The following RGS7 variants were observed in gnomAD, a reference collection of about 807,000 sequenced individuals.
RGS7 encodes regulator of G protein signaling 7, also known as regulator of G-protein signaling 7.
Under a neutral mutation model 81.1 loss-of-function variants are expected in RGS7, and 27 were observed. The observed-to-expected ratio is 0.33, with a 90% CI of 0.25 to 0.46. The LOEUF (loss-of-function observed/expected upper bound fraction) is 0.46. Among genes scored for constraint, RGS7 ranks in the 20% least tolerant of loss-of-function variants. The probability of loss-of-function intolerance (pLI) is 1.00; values close to 1 mark genes in which losing one functional copy is unlikely to be tolerated. For missense variants in RGS7, 396 were observed against 607.4 expected, an observed-to-expected ratio of 0.65 and a Z score of 3.66; for synonymous variants, 208 against 207.7, an observed-to-expected ratio of 1.00 and a Z score of -0.01.
chr1:241,327,652 A>G (rs2081683814), intron 2 of RGS7, among the ~76,000 whole-genome samples: 1 of 152,228 alleles, frequency 6.6e-6, no homozygotes, highest in African/African-American at 2.4e-5. Flanking sequence ...TGCTACACTG[A>G]TAATAGTTTT....
At chr1:241,052,337 G>A (rs1456238955) in intron 3 of RGS7, among the ~76,000 whole-genome samples, 1 of 152,110 alleles carries the variant, frequency 6.6e-6, no homozygotes, top group African/African-American at 2.4e-5. Context: ...AGGAGGGGAG[G>A]ATTAAAACAT....
At chr1:240,923,800 T>A (rs1673980288) in intron 6 of RGS7, among the ~76,000 whole-genome samples, 1 of 152,096 alleles carries the variant, frequency 6.6e-6, no homozygotes, top group African/African-American at 2.4e-5. Context: ...ATAAATAATG[T>A]CTACTTTTAG....
chr1:241,107,192 G>A (rs769894048), intron 2 of RGS7, among the ~76,000 whole-genome samples: 31 of 152,142 alleles, frequency 2.0e-4, no homozygotes, highest in South Asian at 4.2e-4. Flanking sequence ...TTTTCTTCTC[G>A]GCCTAGAGTC....
chr1:240,840,805 C>T (rs148517183), intron 9 of RGS7, among the ~76,000 whole-genome samples: 281 of 152,282 alleles, frequency 1.8e-3, no homozygotes, highest in African/African-American at 6.5e-3. Flanking sequence ...TAGTATCTGT[C>T]ACTGGAGTCT....
At chr1:240,824,633 G>A (rs1032217145) in intron 10 of RGS7, among the ~76,000 whole-genome samples, 3 of 152,220 alleles carry the variant, frequency 2.0e-5, no homozygotes, top group Non-Finnish European at 2.9e-5. Flanking sequence ...CTGACAAAAT[G>A]CAGTGGCAAT....
At chr1:241,151,975 C>T (rs1282241601) in intron 2 of RGS7, among the ~76,000 whole-genome samples, 1 of 152,028 alleles carries the variant, frequency 6.6e-6, no homozygotes, top group East Asian at 1.9e-4. Flanking sequence ...GCAAACTATG[C>T]CCATGGTATA....
intron 2 of RGS7, among the ~76,000 whole-genome samples, chr1:241,306,689 T>C (rs1378992140): frequency 6.7e-6 from 1 of 150,350 alleles, no homozygotes; most frequent in African/African-American, 2.4e-5. Context: ...GCACACACTC[T>C]TACACACACA....
intron 2 of RGS7, among the ~76,000 whole-genome samples, chr1:241,270,345 C>T (rs1036644552): frequency 1.3e-5 from 2 of 152,114 alleles, no homozygotes; most frequent in Non-Finnish European, 1.5e-5. Flanking sequence ...AAAATTGGAC[C>T]CAAGAACCAA....
At chr1:241,172,736 T>C (rs60833632) in intron 2 of RGS7, among the ~76,000 whole-genome samples, 1,524 of 152,314 alleles carry the variant, frequency 0.01, 31 homozygotes, top group African/African-American at 0.035. Context: ...CATCTGTTTC[T>C]GTAAAGTAGA....
At chr1:240,838,769 TA>T (rs1450880676) in intron 9 of RGS7, among the ~76,000 whole-genome samples, 137 of 151,060 alleles carry the variant, frequency 9.1e-4, no homozygotes, top group African/African-American at 3.1e-3. Flanking sequence ...TATTTTTTAT[TA>T]TTTTTTTTTT....
chr1:241,100,242 G>A (rs2102893879), intron 2 of RGS7, among the ~76,000 whole-genome samples: 1 of 152,080 alleles, frequency 6.6e-6, no homozygotes, highest in South Asian at 2.1e-4. Context: ...GGGCGCGGTG[G>A]CAGGCGCCTG....
intron 2 of RGS7, among the ~76,000 whole-genome samples, chr1:241,145,301 T>TTA (rs1327840221): frequency 1.3e-5 from 2 of 152,084 alleles, no homozygotes; most frequent in Non-Finnish European, 2.9e-5. Flanking sequence ...CAGAAATGTT[T>TTA]TATATACCTA....
At chr1:241,205,397 T>C (rs530954088) in intron 2 of RGS7, among the ~76,000 whole-genome samples, 2 of 152,104 alleles carry the variant, frequency 1.3e-5, no homozygotes, top group East Asian at 3.9e-4. Flanking sequence ...TCATCATTTT[T>C]TAACATCTTT....
chr1:241,112,983 T>C (rs1220211593), intron 2 of RGS7, among the ~76,000 whole-genome samples: 1 of 152,222 alleles, frequency 6.6e-6, no homozygotes, highest in African/African-American at 2.4e-5. Context: ...AAGAAGGTTC[T>C]GCACAGGACC....
intron 2 of RGS7, among the ~76,000 whole-genome samples, chr1:241,322,711 T>C (rs964927942): frequency 1.3e-5 from 2 of 152,184 alleles, no homozygotes; most frequent in African/African-American, 4.8e-5. Flanking sequence ...TGGCATAGAA[T>C]GATAAGTACC....
rs538945893 is a variant in RGS7, at chr1:241,244,651, G to A, written c.78+111048C>T. Among the ~76,000 whole-genome samples the A allele has an allele frequency of 6.6e-4, 101 of 151,944 alleles. 2 individuals carry two copies. The highest frequency in any genetic ancestry group is 1.3e-3 in the African/African-American group (55 of 41,308). On this transcript the variant is annotated intron_variant, in intron 2 of 18. Coordinates refer to ENST00000440928, the MANE Select transcript of RGS7 (RefSeq NM_001364886.1). ...AAATCATGCTGCTCTAAAGACACAC[G>A]CACACATATGTTTATTGTGGCACTA...
At chr1:241,021,681 G>A (rs76739512) in intron 3 of RGS7, among the ~76,000 whole-genome samples, 1,577 of 152,200 alleles carry the variant, frequency 0.01, 24 homozygotes, top group African/African-American at 0.036. Context: ...ACTGTTGGCT[G>A]GAATCTAATG....
chr1:241,046,331 A>G (rs777036523), intron 3 of RGS7, among the ~76,000 whole-genome samples: 22 of 145,088 alleles, frequency 1.5e-4, no homozygotes, highest in Admixed American at 1.5e-3. Flanking sequence ...GTCATCCCCA[A>G]TGTCTGTTGT....
chr1:241,285,174 A>G (rs1327760983), intron 2 of RGS7, among the ~76,000 whole-genome samples: 2 of 152,108 alleles, frequency 1.3e-5, no homozygotes, highest in African/African-American at 2.4e-5. Context: ...CCGGCCAAGT[A>G]TCTGTCTTTC....
Sources: allele counts gnomAD v4.1 joint callset (sites outside exome capture counted in the v4.1 genomes callset), GRCh38; gene constraint gnomAD v4.1.1; transcripts MANE v1.5; gene names NCBI Gene and HGNC (gene_info 2026-07-23, HGNC 2026-07-21).